UNC79: variants seen among roughly 807,000 people sequenced by gnomAD.
UNC79 encodes the protein unc-79 subunit of NALCN channel complex, also known as protein unc-79 homolog.
Under a neutral mutation model 283.1 loss-of-function variants are expected in UNC79, and 37 were observed. That is an observed-to-expected ratio of 0.13 (90% CI 0.10 to 0.17). UNC79 has a LOEUF of 0.17. Among genes scored for constraint, UNC79 ranks in the 10% least tolerant of loss-of-function variants. The probability of loss-of-function intolerance (pLI) is 1.00; values close to 1 mark genes in which losing one functional copy is unlikely to be tolerated. For missense variants in UNC79, 2,272 were observed against 3,211.1 expected, an observed-to-expected ratio of 0.71 and a Z score of 7.07; for synonymous variants, 1,107 against 1,200.2, an observed-to-expected ratio of 0.92 and a Z score of 1.61.
intron 1 of UNC79, among the ~76,000 whole-genome samples, chr14:93,351,934 A>C (rs1028360072): frequency 6.6e-6 from 1 of 152,228 alleles, no homozygotes; most frequent in African/African-American, 2.4e-5. Flanking sequence ...AGGCCTACCG[A>C]TTTAAATGTT....
chr14:93,358,154 C>T (rs1041104649), intron 1 of UNC79, among the ~76,000 whole-genome samples: 2 of 151,704 alleles, frequency 1.3e-5, no homozygotes, highest in African/African-American at 4.8e-5. Context: ...AAGGATGCTA[C>T]TTCTAATAGT....
At chr14:93,573,132 G>A (rs952956906) in intron 16 of UNC79, among the ~76,000 whole-genome samples, 2 of 152,114 alleles carry the variant, frequency 1.3e-5, no homozygotes, top group African/African-American at 4.8e-5. Flanking sequence ...ATAAATCTTT[G>A]ATATTAAACA....
At chr14:93,389,478 A>G (rs1004929144) in intron 1 of UNC79, among the ~76,000 whole-genome samples, 1 of 152,090 alleles carries the variant, frequency 6.6e-6, no homozygotes, top group African/African-American at 2.4e-5. Context: ...CCTGGAGGCA[A>G]TTTTCATATA....
At chr14:93,576,780 G>A (rs1379672848) in intron 17 of UNC79, among the ~76,000 whole-genome samples, 1 of 146,828 alleles carries the variant, frequency 6.8e-6, no homozygotes, top group African/African-American at 2.8e-5. Context: ...GCACCCAAGT[G>A]GGCAGGGAGA....
chr14:93,685,356 G>A (rs941008757), intron 42 of UNC79, among the ~76,000 whole-genome samples: 1 of 152,178 alleles, frequency 6.6e-6, no homozygotes, highest in African/African-American at 2.4e-5. Context: ...AAATCGCGGG[G>A]AAATCCTTTC....
At chr14:93,538,268 G>C in intron 12 of UNC79, 50 bp downstream of exon 12, 1 of 1,480,538 alleles carries the variant, frequency 6.8e-7, no homozygotes, top group Non-Finnish European at 9.0e-7. Context: ...ACCTTGCTTT[G>C]AGCTAAGCTC....
chr14:93,417,544 A>G lies in UNC79; in HGVS notation c.-350-50127A>G, dbSNP rs535217805. ...GGAGTGTCTTTGTGGCGTTCTCTGTATTTCCTGAATCTGAATGTTGGCCTG... is the reference window on the plus strand; with the variant it reads ...GGAGTGTCTTTGTGGCGTTCTCTGTGTTTCCTGAATCTGAATGTTGGCCTG... On this transcript the variant is annotated intron_variant, in intron 1 of 49. Transcript: ENST00000256339. 4.8e-3 allele frequency among the ~76,000 whole-genome samples: 727 copies of G among 152,096 alleles called. 8 individuals carry two copies. The highest frequency in any genetic ancestry group is 0.016 in the African/African-American group (683 of 41,486).
exon 38 of UNC79, chr14:93,655,342 T>C: frequency 6.2e-7 from 1 of 1,614,184 alleles, no homozygotes. Context: ...TAGTAGCCTC[T>C]GGACCACAAT....
At chr14:93,704,079 G>A (rs1212097566) in intron 47 of UNC79, among the ~76,000 whole-genome samples, 2 of 152,154 alleles carry the variant, frequency 1.3e-5, no homozygotes, top group African/African-American at 4.8e-5. Context: ...TCTCCAGCAG[G>A]GACTTGCTGC....
chr14:93,595,374 G>T (rs150839268), intron 23 of UNC79, among the ~76,000 whole-genome samples: 1 of 152,240 alleles, frequency 6.6e-6, no homozygotes, highest in African/African-American at 2.4e-5. Flanking sequence ...ACAGGCATGA[G>T]CCACCGTACC....
chr14:93,666,395 T>A (rs763320846), intron 40 of UNC79, among the ~76,000 whole-genome samples: 2 of 152,044 alleles, frequency 1.3e-5, no homozygotes, highest in Non-Finnish European at 2.9e-5. Flanking sequence ...CTAAAACATG[T>A]CTAAAGACAG....
chr14:93,688,589 C>G lies in UNC79; in HGVS notation c.6910-76C>G, dbSNP rs2074435395. The G allele has an allele frequency of 5.9e-6, 9 of 1,520,732 alleles. No homozygotes were observed. Among genetic ancestry groups the G allele is most frequent in the African/African-American group, 1.4e-5 (1 of 72,596 alleles). The allele number at this position is 1,520,732 out of a possible 1,614,324, so 94.2% of individuals were successfully genotyped here. A position where few individuals can be genotyped will look rare whatever the true frequency, so the allele number is the denominator to read the frequency against. On this transcript the variant is annotated intron_variant, in intron 43 of 48. Transcript: ENST00000555664. This position sits in a 1 kb window ranked among gnomAD's most constrained non-coding sequence, Gnocchi z 4.0. Reference sequence around the variant, plus strand: ...GCGATAAGCGGGGTGGAAATGACAACCTCTTCTTTTCAAAGAATGGCCTGG... The same window carrying G: ...GCGATAAGCGGGGTGGAAATGACAAGCTCTTCTTTTCAAAGAATGGCCTGG...
At chr14:93,426,556 A>AT (rs1224732873), upstream of UNC79, among the ~76,000 whole-genome samples, 1 of 150,640 alleles carries the variant, frequency 6.6e-6, no homozygotes, top group Non-Finnish European at 1.5e-5. Context: ...TCCTCTAATT[A>AT]TTTTTTTCGA....
intron 23 of UNC79, 134 bp downstream of exon 23, chr14:93,593,971 G>A: frequency 9.7e-7 from 1 of 1,029,764 alleles, no homozygotes; most frequent in Middle Eastern, 2.4e-4. Flanking sequence ...GTGTCCTTTG[G>A]GGGTTCTGCT....
intron 14 of UNC79, among the ~76,000 whole-genome samples, chr14:93,568,553 A>G (rs2063033039): frequency 6.6e-6 from 1 of 152,076 alleles, no homozygotes; most frequent in African/African-American, 2.4e-5. Flanking sequence ...GGGTGGCTGT[A>G]ATCCCAGCTT....
intron 1 of UNC79, among the ~76,000 whole-genome samples, chr14:93,396,234 GT>G (rs549450723): frequency 4.7e-4 from 63 of 133,340 alleles, no homozygotes; most frequent in Middle Eastern, 3.8e-3. Flanking sequence ...TTTTCTCTTT[GT>G]TTTTTTTTTT....
At chr14:93,665,431 T>G (rs1016473266) in intron 40 of UNC79, among the ~76,000 whole-genome samples, 3 of 151,750 alleles carry the variant, frequency 2.0e-5, no homozygotes, top group African/African-American at 7.2e-5. Flanking sequence ...AAAGAGAAAT[T>G]CTAACAGATA....
At chr14:93,509,598 C>T (rs1214626987) in intron 7 of UNC79, among the ~76,000 whole-genome samples, 1 of 152,148 alleles carries the variant, frequency 6.6e-6, no homozygotes, top group Admixed American at 6.5e-5. Context: ...AACCCAGCAG[C>T]GCAGTCATTA....
At chr14:93,383,775 A>G (rs765944327) in intron 1 of UNC79, among the ~76,000 whole-genome samples, 2 of 152,088 alleles carry the variant, frequency 1.3e-5, no homozygotes, top group Non-Finnish European at 2.9e-5. Flanking sequence ...AACACGCACA[A>G]TTCCCATGTG....
Sources: allele counts gnomAD v4.1 joint callset (sites outside exome capture counted in the v4.1 genomes callset), GRCh38; gene constraint gnomAD v4.1.1; non-coding constraint Gnocchi (gnomAD v3.1); transcripts MANE v1.5; gene names NCBI Gene and HGNC (gene_info 2026-07-23, HGNC 2026-07-21).